The following CSPP1 variants were observed in gnomAD, a reference collection of about 807,000 sequenced individuals.
CSPP1 encodes centrosome and spindle pole-associated protein 1.
Under a neutral mutation model 164.4 loss-of-function variants are expected in CSPP1, and 126 were observed. The ratio of observed to expected loss-of-function variants is 0.77; its 90% CI spans 0.66 to 0.89. CSPP1 has a LOEUF of 0.89. Ranked by LOEUF, CSPP1 falls within the 40% of genes least tolerant of loss-of-function variation. CSPP1 has a pLI of 0.00. For synonymous variants in CSPP1, 472 were observed against 476.7 expected, an observed-to-expected ratio of 0.99 and a Z score of 0.13; for missense variants, 1,395 against 1,449.8, an observed-to-expected ratio of 0.96 and a Z score of 0.61.
Position 67,064,683 on chromosome 8 carries a change from G to C in CSPP1, c.-11+145G>C, listed in dbSNP as rs186206262. 465 of 144,242 alleles carry C rather than the reference G, an allele frequency of 3.2e-3. 2 individuals are homozygous for C. The highest frequency in any genetic ancestry group is 5.4e-3 in the Non-Finnish European group (381 of 70,664). The allele number at this position is 144,242 out of a possible 1,614,324, so 8.9% of individuals were successfully genotyped here. ...CGACGTGCCAGAGTTACAGGCTCTG[G>C]AATCTGGGGGTGGGGGTGGGGTTTC... On this transcript the variant is annotated intron_variant, in intron 1 of 30. Coordinates refer to ENST00000678616, the MANE Select transcript of CSPP1 (RefSeq NM_001382391.1).
At chr8:67,146,768 T>C (rs1160734620) in intron 17 of CSPP1, among the ~76,000 whole-genome samples, 1 of 152,194 alleles carries the variant, frequency 6.6e-6, no homozygotes, top group Non-Finnish European at 1.5e-5. Context: ...TTAATTTTTT[T>C]ATAATGAGCT....
chr8:67,101,631 G>C (rs533997832), intron 7 of CSPP1, among the ~76,000 whole-genome samples: 2 of 152,140 alleles, frequency 1.3e-5, no homozygotes, highest in African/African-American at 4.8e-5. Flanking sequence ...CCATTCATGC[G>C]TTATGCCATG....
Position 67,104,687 on chromosome 8 carries a change from G to T in CSPP1, c.1023-1218G>T, listed in dbSNP as rs183123514. Among the ~76,000 whole-genome samples the T allele has an allele frequency of 2.0e-5, 3 of 151,018 alleles. No individual in the cohort carries two copies. In the East Asian group the frequency reaches 5.8e-4, roughly 29 times the overall value. The stretch of plus-strand genomic sequence containing the variant: ...GAGTCTCACTCTGTCACCCAGACTG[G>T]AGTGCAGCGGCACGATCTCAGCTCA... On this transcript the variant is annotated intron_variant, in intron 8 of 30. Transcript: ENST00000678616.
intron 28 of CSPP1, among the ~76,000 whole-genome samples, chr8:67,186,326 G>A (rs964839760): frequency 6.6e-6 from 1 of 151,392 alleles, no homozygotes; most frequent in Non-Finnish European, 1.5e-5. Context: ...TGTATGGAAT[G>A]TTATGATAGG....
At chr8:67,129,422 A>G (rs1820758370) in intron 15 of CSPP1, among the ~76,000 whole-genome samples, 1 of 152,202 alleles carries the variant, frequency 6.6e-6, no homozygotes, top group Non-Finnish European at 1.5e-5. Context: ...TCACAGAATT[A>G]CTGATTACAA....
chr8:67,165,949 T>G (rs1021823454), intron 24 of CSPP1, among the ~76,000 whole-genome samples: 5 of 152,230 alleles, frequency 3.3e-5, no homozygotes, highest in Admixed American at 1.3e-4. Context: ...GACTTGTGTC[T>G]TCTTCCATTT....
At chr8:67,147,498 C>G (rs1228276051) in intron 17 of CSPP1, among the ~76,000 whole-genome samples, 1 of 152,162 alleles carries the variant, frequency 6.6e-6, no homozygotes, top group Non-Finnish European at 1.5e-5. Flanking sequence ...GCTGTCACTT[C>G]TTACCACCCT....
At chr8:67,075,563 G>A (rs1238318195) in intron 2 of CSPP1, among the ~76,000 whole-genome samples, 3 of 152,170 alleles carry the variant, frequency 2.0e-5, no homozygotes, top group Non-Finnish European at 2.9e-5. Flanking sequence ...TTCCAGATGA[G>A]TAAACTGAGG....
chr8:67,174,577 A>G (rs1028025108), intron 25 of CSPP1: 1 of 152,172 alleles, frequency 6.6e-6, no homozygotes, highest in African/African-American at 2.4e-5. Flanking sequence ...CCTGGCCAAC[A>G]TAGTGAAACC....
At position 67,124,145 on chromosome 8, in the gene CSPP1, C is replaced by T. The variant is rs182989815; in HGVS notation, c.1697+5324C>T. 8.2e-4 allele frequency among the ~76,000 whole-genome samples: 122 copies of T among 148,498 alleles called. 1 individual carries two copies. The highest frequency in any genetic ancestry group is 2.9e-3 in the African/African-American group (116 of 40,242). On this transcript the variant is annotated intron_variant, in intron 15 of 30. Coordinates refer to ENST00000678616, the MANE Select transcript of CSPP1 (RefSeq NM_001382391.1). ...CGATCTCCTGACCTCATGATCCACC[C>T]GCCTTGGCCTCCCAAAGTGCTGGGA... is the stretch of plus-strand genomic sequence containing the variant.
chr8:67,117,122 A>AT (rs1444284045), intron 13 of CSPP1, among the ~76,000 whole-genome samples: 1 of 151,986 alleles, frequency 6.6e-6, no homozygotes, highest in East Asian at 1.9e-4. Flanking sequence ...GTAGTATTAT[A>AT]TTTTTTTCAT....
intron 28 of CSPP1, among the ~76,000 whole-genome samples, chr8:67,187,306 T>TC (rs1308041424): frequency 1.3e-5 from 2 of 152,162 alleles, no homozygotes; most frequent in South Asian, 2.1e-4. Context: ...ACAGCTGACT[T>TC]CAAGAGTTAT....
chr8:67,146,902 T>C (rs1824703042), intron 17 of CSPP1, among the ~76,000 whole-genome samples: 1 of 152,230 alleles, frequency 6.6e-6, no homozygotes, highest in South Asian at 2.1e-4. Flanking sequence ...AAGTGCCTTT[T>C]TTAATTTTCG....
chr8:67,120,470 G>A (rs1054389678), intron 15 of CSPP1, among the ~76,000 whole-genome samples: 2 of 152,134 alleles, frequency 1.3e-5, no homozygotes, highest in African/African-American at 2.4e-5. Context: ...TTTTAACAGT[G>A]TCATGTCTTC....
chr8:67,190,985 G>GTT (rs1386173806), intron 29 of CSPP1, among the ~76,000 whole-genome samples: 2 of 152,186 alleles, frequency 1.3e-5, no homozygotes, highest in Non-Finnish European at 2.9e-5. Context: ...TGGGGTGGCT[G>GTT]TAAGTAGCTC....
chr8:67,158,569 G>A lies in CSPP1; in HGVS notation c.2364G>A (p.Gln788=). 6.2e-7 allele frequency: 1 copy of A among 1,606,234 alleles called. No homozygotes were observed. Among genetic ancestry groups the A allele is most frequent in the Non-Finnish European group, 8.5e-7 (1 of 1,176,182 alleles). The change falls in exon 20 of 31, where the codon CAG becomes CAA. Residue 788 remains glutamine, a synonymous_variant. Coordinates refer to ENST00000678616, the MANE Select transcript of CSPP1 (RefSeq NM_001382391.1). The part of the protein sequence containing the change: ...ARIQQEYEEE[Q]EKKREKEEEQ... ...TTCAGCAGGAGTATGAAGAGGAACA[G>A]GAAAAGAAAAGAGAGAAAGAGGAGG...
Position 67,190,677 on chromosome 8 carries a change from T to C in CSPP1, c.3248T>C (p.Ile1083Thr). ...IGAYGETYPA[I>T]EDDVLPPPSQ... ...GCTTACGGTGAGACATATCCTGCCA[T>C]TGAAGATGACGTCCTCCCTCCACCA... Residue 1083 changes from isoleucine to threonine, a missense_variant, in exon 29 of 31, where the codon ATT becomes ACT. Coordinates refer to ENST00000678616, the MANE Select transcript of CSPP1 (RefSeq NM_001382391.1). 6.2e-7 allele frequency: 1 copy of C among 1,614,094 alleles called. No individual in the cohort carries two copies. Among genetic ancestry groups the C allele is most frequent in the Non-Finnish European group, 8.5e-7 (1 of 1,179,972 alleles).
In CSPP1 at chr8:67,185,114, A is replaced by C. The variant is rs1383398273; in HGVS notation, c.3220+5188A>C. Reference sequence around the variant, plus strand: ...AGCAAGACTCCGTCTCAAAAAAAAAAAAACAAAAACAAACAAACAAACAAA... The same window carrying C: ...AGCAAGACTCCGTCTCAAAAAAAAACAAACAAAAACAAACAAACAAACAAA... On this transcript the variant is annotated intron_variant, in intron 28 of 30. Transcript: ENST00000678616. Among the ~76,000 whole-genome samples the C allele has an allele frequency of 2.7e-5, 4 of 150,712 alleles. No individual in the cohort carries two copies. The East Asian group carries it at 7.7e-4, about 29-fold the overall frequency.
chr8:67,168,677 C>CA (rs1563739910), intron 24 of CSPP1, among the ~76,000 whole-genome samples: 1 of 152,146 alleles, frequency 6.6e-6, no homozygotes, highest in Non-Finnish European at 1.5e-5. Context: ...AAAGACATCT[C>CA]AGAGTTGGTT....
Sources: allele counts gnomAD v4.1 joint callset (sites outside exome capture counted in the v4.1 genomes callset), GRCh38; gene constraint gnomAD v4.1.1; transcripts MANE v1.5; gene names NCBI Gene and HGNC (gene_info 2026-07-23, HGNC 2026-07-21).